Variants in SHTN1 observed in about 807,000 individuals in gnomAD.
SHTN1 encodes shootin 1.
Under a neutral mutation model 83.1 loss-of-function variants are expected in SHTN1, and 42 were observed. The observed-to-expected ratio is 0.51, with a 90% CI of 0.39 to 0.65. SHTN1 has a LOEUF of 0.65. Among genes scored for constraint, SHTN1 ranks in the 30% least tolerant of loss-of-function variants. SHTN1 has a pLI of 0.00. For missense variants in SHTN1, 622 were observed against 737.8 expected (o/e 0.84, Z 1.82); for synonymous variants, 224 against 247.7 (o/e 0.90, Z 0.90).
intron 12 of SHTN1, among the ~76,000 whole-genome samples, chr10:116,918,926 AGT>A (rs1356210030): frequency 6.6e-6 from 1 of 152,230 alleles, no homozygotes; most frequent in Non-Finnish European, 1.5e-5. Flanking sequence ...TTATCTTCAG[AGT>A]GTAATGATCT....
chr10:117,104,381 G>C (rs1466172726), intron 1 of SHTN1, among the ~76,000 whole-genome samples: 1 of 152,160 alleles, frequency 6.6e-6, no homozygotes, highest in Non-Finnish European at 1.5e-5. Context: ...TTGGGTACAA[G>C]AGTGTCTTCC....
intron 1 of SHTN1, among the ~76,000 whole-genome samples, chr10:117,105,504 G>A (rs1483614455): frequency 2.0e-5 from 3 of 152,146 alleles, no homozygotes; most frequent in African/African-American, 7.2e-5. Flanking sequence ...CAGTCACACA[G>A]CTGGCATTTG....
At chr10:117,005,322 G>C (rs949121107), upstream of SHTN1, 17 of 1,346,982 alleles carry the variant, frequency 1.3e-5, no homozygotes, top group Admixed American at 3.2e-5. Flanking sequence ...TCCCGTTCAG[G>C]GGGTGGAGGA....
chr10:117,116,137 T>C (rs1186395341), intron 1 of SHTN1, among the ~76,000 whole-genome samples: 1 of 151,930 alleles, frequency 6.6e-6, no homozygotes, highest in South Asian at 2.1e-4. Context: ...AGTTGGTTTT[T>C]TGAAAAGATA....
chr10:116,995,437 C>T (rs1851594197), intron 1 of SHTN1, among the ~76,000 whole-genome samples: 1 of 152,134 alleles, frequency 6.6e-6, no homozygotes, highest in African/African-American at 2.4e-5. Context: ...AGAAACACTA[C>T]TGATTCTTTT....
At chr10:116,897,600 A>G (rs1244079346) in intron 16 of SHTN1, among the ~76,000 whole-genome samples, 2 of 152,234 alleles carry the variant, frequency 1.3e-5, no homozygotes, top group Non-Finnish European at 2.9e-5. Flanking sequence ...TATCCCAGCA[A>G]TATAATTGTA....
chr10:116,957,469 G>T (rs1234538006), intron 4 of SHTN1, among the ~76,000 whole-genome samples: 1 of 151,616 alleles, frequency 6.6e-6, no homozygotes, highest in Non-Finnish European at 1.5e-5. Context: ...TGCCAGGATG[G>T]TCTCAATCTC....
intron 2 of SHTN1, among the ~76,000 whole-genome samples, chr10:116,975,541 T>C (rs1850771286): frequency 6.6e-6 from 1 of 152,128 alleles, no homozygotes; most frequent in African/African-American, 2.4e-5. Flanking sequence ...TTCATATATT[T>C]TTCTTTATAC....
At chr10:116,952,029 T>A (rs1393476760) in intron 5 of SHTN1, 23 bp from the exon 6 acceptor site, 21 of 1,133,644 alleles carry the variant, frequency 1.9e-5, no homozygotes, top group Non-Finnish European at 2.6e-5. Flanking sequence ...AGAAAAAAAA[T>A]ATATAAATAA....
In SHTN1 at chr10:117,079,319, G is replaced by C. The variant is rs940876444; in HGVS notation, c.-188-30809C>G. 6.6e-5 allele frequency among the ~76,000 whole-genome samples: 9 copies of C among 136,868 alleles called. No individual in the cohort carries two copies. In the South Asian group the frequency reaches 1.3e-3, roughly 19 times the overall value. 89.8% of individuals were successfully genotyped at this position (136,868 alleles called of 152,430 possible). A position where few individuals can be genotyped will look rare whatever the true frequency, so the allele number is the denominator to read the frequency against. ...TTTTGTTCTTGCGATAGTTTACTGA[G>C]AATGATGGTTTCCAATTTCATCCAT... On this transcript the variant is annotated intron_variant, in intron 1 of 17. Transcript: ENST00000392901.
At chr10:116,893,911 AT>A (rs1256336961) in intron 16 of SHTN1, among the ~76,000 whole-genome samples, 1 of 152,232 alleles carries the variant, frequency 6.6e-6, no homozygotes, top group East Asian at 1.9e-4. Flanking sequence ...AGTAAACAAA[AT>A]AAAATAAAAT....
rs1413652753 is a variant in SHTN1, at chr10:116,953,618, G to GTTT, written c.436+421_436+423dup. Among the ~76,000 whole-genome samples, 48 of 82,002 alleles carry GTTT rather than the reference G, an allele frequency of 5.9e-4. 1 individual carries two copies. The highest frequency in any genetic ancestry group is 1.2e-3 in the African/African-American group (35 of 29,088). 53.8% of individuals were successfully genotyped at this position (82,002 alleles called of 152,430 possible). A position where few individuals can be genotyped will look rare whatever the true frequency, so the allele number is the denominator to read the frequency against. On this transcript the variant is annotated intron_variant, in intron 5 of 16. Transcript: ENST00000355371. ...GGTAGGACCCAGGCATCAGTTTTGT[G>GTTT]TTTTGTTTTTTTTTTTTTTTTTTTT...
At chr10:117,048,228 A>G (rs1852695195) in intron 2 of SHTN1, among the ~76,000 whole-genome samples, 1 of 152,178 alleles carries the variant, frequency 6.6e-6, no homozygotes, top group Non-Finnish European at 1.5e-5. Context: ...GGTAATGTAA[A>G]TATCTCCATC....
intron 1 of SHTN1, among the ~76,000 whole-genome samples, chr10:117,096,462 T>C (rs934456313): frequency 2.6e-5 from 4 of 152,326 alleles, no homozygotes; most frequent in Middle Eastern, 3.4e-3. Context: ...AGGACAAAAT[T>C]GTTATGTGAA....
At chr10:116,991,408 C>T (rs1207652647) in intron 1 of SHTN1, among the ~76,000 whole-genome samples, 1 of 152,128 alleles carries the variant, frequency 6.6e-6, no homozygotes, top group Non-Finnish European at 1.5e-5. Context: ...ATGGCACCAG[C>T]ATCTGTTTGT....
At chr10:117,042,553 A>C (rs1319333508) in intron 2 of SHTN1, among the ~76,000 whole-genome samples, 2 of 152,162 alleles carry the variant, frequency 1.3e-5, no homozygotes, top group Non-Finnish European at 2.9e-5. Context: ...ATCTAGTGAA[A>C]AACATACTCC....
At chr10:116,895,862 G>A (rs979305011) in intron 16 of SHTN1, among the ~76,000 whole-genome samples, 1 of 152,040 alleles carries the variant, frequency 6.6e-6, no homozygotes, top group Non-Finnish European at 1.5e-5. Flanking sequence ...CTGTAAAATT[G>A]GGATAATGTC....
intron 1 of SHTN1, among the ~76,000 whole-genome samples, chr10:116,996,717 T>A (rs567198219): frequency 6.6e-6 from 1 of 152,286 alleles, no homozygotes; most frequent in South Asian, 2.1e-4. Flanking sequence ...AGATCACCCA[T>A]AACACCACCT....
intron 16 of SHTN1, among the ~76,000 whole-genome samples, chr10:116,888,838 C>G (rs954288120): frequency 4.6e-5 from 7 of 152,218 alleles, no homozygotes; most frequent in African/African-American, 1.7e-4. Flanking sequence ...CCTTCTAAAT[C>G]TCATGCAGAT....
Sources: allele counts gnomAD v4.1 joint callset (sites outside exome capture counted in the v4.1 genomes callset), GRCh38; gene constraint gnomAD v4.1.1; transcripts MANE v1.5; gene names NCBI Gene and HGNC (gene_info 2026-07-23, HGNC 2026-07-21).